Variants in TRHDE observed in about 807,000 individuals in gnomAD.
TRHDE encodes thyrotropin releasing hormone degrading enzyme.
In TRHDE, 72 loss-of-function variants were observed where a neutral mutation model predicts 125.7. That is an observed-to-expected ratio of 0.57 (90% CI 0.47 to 0.70). TRHDE has a LOEUF of 0.70. Ranked by LOEUF, TRHDE falls within the 30% of genes least tolerant of loss-of-function variation. TRHDE has a pLI of 0.00. For synonymous variants in TRHDE, 509 were observed against 509.1 expected (o/e 1.00, Z 0.00); for missense variants, 1,110 against 1,327.1 (o/e 0.84, Z 2.54).
At chr12:72,111,784 A>G (rs984810335) in intron 2 of TRHDE, among the ~76,000 whole-genome samples, 32 of 152,286 alleles carry the variant, frequency 2.1e-4, no homozygotes, top group African/African-American at 7.2e-4. Flanking sequence ...ATGAAATAAT[A>G]ATGTTTAGCA....
At chr12:72,603,164 C>G (rs563177931) in intron 12 of TRHDE, among the ~76,000 whole-genome samples, 14 of 152,106 alleles carry the variant, frequency 9.2e-5, no homozygotes, top group African/African-American at 2.7e-4. Flanking sequence ...AGTGATCTGG[C>G]ATGGCAAGAA....
chr12:72,249,687 G>A (rs752817059), intron 2 of TRHDE, among the ~76,000 whole-genome samples: 10 of 152,140 alleles, frequency 6.6e-5, no homozygotes, highest in Non-Finnish European at 1.2e-4. Flanking sequence ...ACTCTCATGT[G>A]TTGTTGATGG....
At chr12:72,257,216 A>G (rs1400038339) in intron 2 of TRHDE, 1 of 152,188 alleles carries the variant, frequency 6.6e-6, no homozygotes. Flanking sequence ...CCAAAATCCA[A>G]AACTATTTCA....
At chr12:72,446,517 T>C (rs1875294906) in intron 3 of TRHDE, among the ~76,000 whole-genome samples, 3 of 152,020 alleles carry the variant, frequency 2.0e-5, no homozygotes, top group Non-Finnish European at 4.4e-5. Context: ...AATATTAACC[T>C]TACATGTAAA....
At chr12:72,533,042 T>C (rs1868641692) in intron 6 of TRHDE, among the ~76,000 whole-genome samples, 1 of 152,140 alleles carries the variant, frequency 6.6e-6, no homozygotes. Flanking sequence ...TGTGACAGTG[T>C]TTCCTTAAAA....
intron 2 of TRHDE, among the ~76,000 whole-genome samples, chr12:72,297,510 A>G (rs928228733): frequency 4.6e-5 from 7 of 152,210 alleles, no homozygotes; most frequent in Admixed American, 3.9e-4. Context: ...CGTCAATAAC[A>G]TGGAGAGGTG....
chr12:72,096,431 G>A (rs1300735123), intron 1 of TRHDE, among the ~76,000 whole-genome samples: 1 of 152,184 alleles, frequency 6.6e-6, no homozygotes, highest in Non-Finnish European at 1.5e-5. Flanking sequence ...CAGTTATGGA[G>A]ATTATTTCAT....
chr12:72,271,836 C>T, upstream of TRHDE: 1 of 442,966 alleles, frequency 2.3e-6, no homozygotes, highest in Non-Finnish European at 4.6e-6. Context: ...AAGGGGATGG[C>T]CCGGCCGGAC....
chr12:72,232,185 G>T (rs1878259853), intron 2 of TRHDE, among the ~76,000 whole-genome samples: 1 of 152,200 alleles, frequency 6.6e-6, no homozygotes. Context: ...TCAGTCAGGA[G>T]ATAGAATGAT....
At chr12:72,343,198 A>G (rs1233539428) in intron 2 of TRHDE, among the ~76,000 whole-genome samples, 14 of 152,128 alleles carry the variant, frequency 9.2e-5, no homozygotes, top group Non-Finnish European at 2.1e-4. Flanking sequence ...TCTCAATATG[A>G]GTACAATTGT....
intron 2 of TRHDE, among the ~76,000 whole-genome samples, chr12:72,214,483 C>A (rs1211280267): frequency 6.6e-6 from 1 of 152,118 alleles, no homozygotes; most frequent in African/African-American, 2.4e-5. Context: ...TTTCTGAGGT[C>A]ATGAATTTGG....
chr12:72,605,839 G>A (rs1432981059), intron 12 of TRHDE, among the ~76,000 whole-genome samples: 2 of 151,944 alleles, frequency 1.3e-5, no homozygotes, highest in Admixed American at 1.3e-4. Context: ...TAGTTTCTTT[G>A]ACGAGCTCTA....
At chr12:72,566,562 C>T (rs1388236857) in intron 9 of TRHDE, among the ~76,000 whole-genome samples, 2 of 151,658 alleles carry the variant, frequency 1.3e-5, no homozygotes, top group African/African-American at 4.8e-5. Flanking sequence ...TAGAAACAAA[C>T]CAACTTTTAT....
chr12:72,201,167 G>T (rs1204153007), intron 2 of TRHDE, among the ~76,000 whole-genome samples: 1 of 152,110 alleles, frequency 6.6e-6, no homozygotes, highest in Non-Finnish European at 1.5e-5. Context: ...TTGAAGTAGG[G>T]ATCAGATCAT....
At chr12:72,551,246 T>A (rs1379741690) in intron 7 of TRHDE, among the ~76,000 whole-genome samples, 1 of 152,080 alleles carries the variant, frequency 6.6e-6, no homozygotes, top group Non-Finnish European at 1.5e-5. Flanking sequence ...TTCATATGCA[T>A]CCAAAATTCT....
chr12:72,300,257 G>T (rs926532557), intron 2 of TRHDE, among the ~76,000 whole-genome samples: 2 of 151,848 alleles, frequency 1.3e-5, no homozygotes, highest in African/African-American at 4.8e-5. Flanking sequence ...ATATATTTAT[G>T]TTGTTGTTTT....
intron 1 of TRHDE, among the ~76,000 whole-genome samples, chr12:72,286,146 T>C (rs2139427135): frequency 6.6e-6 from 1 of 152,364 alleles, no homozygotes; most frequent in South Asian, 2.1e-4. Context: ...AAGAAAGTTG[T>C]GGAGCCAGAA....
intron 3 of TRHDE, among the ~76,000 whole-genome samples, chr12:72,407,412 G>T (rs764339703): frequency 1.3e-5 from 2 of 152,142 alleles, no homozygotes; most frequent in African/African-American, 4.8e-5. Context: ...AGCAAGAGAC[G>T]TGGAGCATTT....
chr12:72,375,152 AG>A (rs1196446255), intron 2 of TRHDE, among the ~76,000 whole-genome samples: 1 of 152,046 alleles, frequency 6.6e-6, no homozygotes, highest in Non-Finnish European at 1.5e-5. Context: ...CAGGGAAGGG[AG>A]GGTACATTGT....
Sources: gnomAD v4.1 joint callset for allele counts (sites outside exome capture counted in the v4.1 genomes callset) on GRCh38, gnomAD v4.1.1 for gene constraint, MANE v1.5 for transcripts, NCBI Gene and HGNC (gene_info 2026-07-23, HGNC 2026-07-21) for gene names.